Variants in DYM observed in about 807,000 individuals in gnomAD.
DYM encodes dyggve-Melchior-Clausen syndrome protein.
DYM carries 78 observed loss-of-function variants against 93.1 expected under a neutral mutation model. The observed-to-expected ratio is 0.84, with a 90% CI of 0.70 to 1.01. The LOEUF (loss-of-function observed/expected upper bound fraction) is 1.01. DYM is among the 50% of genes least tolerant of loss of function. The pLI is 0.00. For synonymous variants in DYM, 321 were observed against 319.7 expected (o/e 1.00, Z -0.04); for missense variants, 789 against 845.0 (o/e 0.93, Z 0.82).
At chr18:49,381,839 A>C (rs986793388) in intron 3 of DYM, among the ~76,000 whole-genome samples, 2 of 152,214 alleles carry the variant, frequency 1.3e-5, no homozygotes, top group African/African-American at 4.8e-5. Context: ...CTTTGAAACA[A>C]AAATGTCCTA....
intron 15 of DYM, among the ~76,000 whole-genome samples, chr18:49,137,284 G>A (rs926525498): frequency 1.3e-5 from 2 of 152,202 alleles, no homozygotes; most frequent in African/African-American, 4.8e-5. Context: ...AGTAGTAACA[G>A]AACACTTTCT....
intron 17 of DYM, among the ~76,000 whole-genome samples, chr18:49,086,501 C>T (rs150028060): frequency 6.6e-6 from 1 of 152,280 alleles, no homozygotes; most frequent in African/African-American, 2.4e-5. Context: ...GGAATTAAGT[C>T]TCAACATACG....
chr18:49,039,913 T>C lies in DYM; in HGVS notation c.*4142A>G, dbSNP rs919210941. On this transcript the variant is annotated 3_prime_UTR_variant, in exon 18 of 18. Coordinates refer to ENST00000675505, the MANE Select transcript of DYM (RefSeq NM_001353214.3). ...GTTTTAATTCAAGTAATTAATGTTG[T>C]CTGGTCTTCTCCCATACCTGGGTAT... 1.3e-5 allele frequency: 2 copies of C among 152,252 alleles called. No individual in the cohort carries two copies. Among genetic ancestry groups the C allele is most frequent in the Non-Finnish European group, 2.9e-5 (2 of 68,036 alleles). The allele number at this position is 152,252 out of a possible 1,614,324, so 9.4% of individuals were successfully genotyped here.
intron 17 of DYM, among the ~76,000 whole-genome samples, chr18:49,049,309 C>G (rs767551266): frequency 4.6e-5 from 7 of 152,072 alleles, no homozygotes; most frequent in Admixed American, 2.6e-4. Context: ...AGTTTCAGTC[C>G]CATCTTTTCC....
At chr18:49,353,566 A>C (rs1039983497) in intron 6 of DYM, among the ~76,000 whole-genome samples, 2 of 152,066 alleles carry the variant, frequency 1.3e-5, no homozygotes, top group Non-Finnish European at 2.9e-5. Flanking sequence ...TAAAAATGAT[A>C]ATTTAAATAT....
intron 15 of DYM, among the ~76,000 whole-genome samples, chr18:49,123,999 T>C (rs1316309594): frequency 6.6e-6 from 1 of 152,220 alleles, no homozygotes; most frequent in Non-Finnish European, 1.5e-5. Context: ...GTATAAGTGC[T>C]GATATATGAA....
At chr18:49,387,021 C>T (rs1178303533) in intron 3 of DYM, among the ~76,000 whole-genome samples, 1 of 151,104 alleles carries the variant, frequency 6.6e-6, no homozygotes, top group African/African-American at 2.4e-5. Context: ...CAGCTCACTG[C>T]AGCCTCAACC....
At chr18:49,055,349 G>C (rs987294515) in intron 17 of DYM, among the ~76,000 whole-genome samples, 10 of 152,196 alleles carry the variant, frequency 6.6e-5, no homozygotes, top group South Asian at 6.2e-4. Context: ...ACAGAGACTC[G>C]TGATCTAAAA....
At chr18:49,194,468 C>T (rs1000522119) in intron 14 of DYM, among the ~76,000 whole-genome samples, 1 of 152,156 alleles carries the variant, frequency 6.6e-6, no homozygotes, top group Non-Finnish European at 1.5e-5. Context: ...AATTTCATAT[C>T]GTTCTTTCCT....
chr18:49,081,974 C>A (rs1216807467), intron 17 of DYM, among the ~76,000 whole-genome samples: 1 of 152,216 alleles, frequency 6.6e-6, no homozygotes, highest in African/African-American at 2.4e-5. Context: ...GCTCACTCTT[C>A]GGTATCTTCA....
At chr18:49,085,868 G>C (rs2078478927) in intron 17 of DYM, among the ~76,000 whole-genome samples, 1 of 152,148 alleles carries the variant, frequency 6.6e-6, no homozygotes, top group Non-Finnish European at 1.5e-5. Context: ...GCCTCCCAAA[G>C]TGCTGGGATT....
At chr18:49,300,445 T>A (rs1329916345) in intron 8 of DYM, among the ~76,000 whole-genome samples, 2 of 151,180 alleles carry the variant, frequency 1.3e-5, no homozygotes, top group Non-Finnish European at 3.0e-5. Flanking sequence ...ACTAAAACAC[T>A]AAAAATTAGC....
At chr18:49,229,170 T>C (rs1355379907) in intron 13 of DYM, among the ~76,000 whole-genome samples, 1 of 151,858 alleles carries the variant, frequency 6.6e-6, no homozygotes, top group Non-Finnish European at 1.5e-5. Flanking sequence ...AATTCCAAAT[T>C]ACTTGACAAA....
chr18:49,453,747 C>T (rs74987443), intron 1 of DYM, among the ~76,000 whole-genome samples: 13,967 of 152,082 alleles, frequency 0.092, 866 homozygotes, highest in East Asian at 0.31. Context: ...AAAGGAAGCA[C>T]GAAAGTTTTA....
intron 8 of DYM, among the ~76,000 whole-genome samples, chr18:49,302,176 G>A (rs980932761): frequency 3.3e-5 from 5 of 152,132 alleles, no homozygotes; most frequent in African/African-American, 1.2e-4. Context: ...ATATTAATCA[G>A]ATCTCTGAAG....
At chr18:49,240,253 G>T (rs2093979066) in intron 13 of DYM, among the ~76,000 whole-genome samples, 1 of 152,120 alleles carries the variant, frequency 6.6e-6, no homozygotes, top group Non-Finnish European at 1.5e-5. Context: ...GCATTAGAGT[G>T]CTGGTTCTTA....
intron 1 of DYM, among the ~76,000 whole-genome samples, chr18:49,456,311 G>A (rs2082980710): frequency 6.6e-6 from 1 of 152,172 alleles, no homozygotes; most frequent in Non-Finnish European, 1.5e-5. Flanking sequence ...ATATGTTTAA[G>A]CTATTATTTT....
intron 15 of DYM, among the ~76,000 whole-genome samples, chr18:49,131,791 T>G (rs1172332031): frequency 6.6e-6 from 1 of 152,132 alleles, no homozygotes; most frequent in Non-Finnish European, 1.5e-5. Flanking sequence ...TATTTAAGAC[T>G]TTAGAGCTAA....
intron 14 of DYM, among the ~76,000 whole-genome samples, chr18:49,205,615 C>A (rs1202593746): frequency 6.6e-6 from 1 of 152,086 alleles, no homozygotes; most frequent in African/African-American, 2.4e-5. Flanking sequence ...ACTGCATAAT[C>A]TAAAAATCAT....
Sources: allele counts gnomAD v4.1 joint callset (sites outside exome capture counted in the v4.1 genomes callset), GRCh38; gene constraint gnomAD v4.1.1; transcripts MANE v1.5; gene names NCBI Gene and HGNC (gene_info 2026-07-23, HGNC 2026-07-21).